SMOC1: variants seen among roughly 807,000 people sequenced by gnomAD.
The protein encoded by SMOC1 is SPARC related modular calcium binding 1.
Under a neutral mutation model 56.3 loss-of-function variants are expected in SMOC1, and 22 were observed. That is an observed-to-expected ratio of 0.39 (90% confidence interval 0.28 to 0.56). The LOEUF is 0.56. Among genes scored for constraint, SMOC1 ranks in the 20% least tolerant of loss-of-function variants. The pLI is 0.61. For missense variants in SMOC1, 509 were observed against 565.4 expected, an observed-to-expected ratio of 0.90 and a Z score of 1.01; for synonymous variants, 193 against 215.0, an observed-to-expected ratio of 0.90 and a Z score of 0.89.
intron 11 of SMOC1, among the ~76,000 whole-genome samples, chr14:70,027,208 G>A (rs559417881): frequency 1.6e-4 from 25 of 152,302 alleles, no homozygotes; most frequent in Admixed American, 1.6e-3. Context: ...GAGGAGTAGC[G>A]ATTTGCTCAA....
chr14:69,905,223 C>T (rs1055239105), intron 1 of SMOC1, among the ~76,000 whole-genome samples: 4 of 152,010 alleles, frequency 2.6e-5, no homozygotes, highest in East Asian at 1.9e-4. Flanking sequence ...AAAGCAGTCC[C>T]GCCTGATGTA....
chr14:69,992,450 C>A lies in SMOC1; in HGVS notation c.560C>A (p.Thr187Asn). ...TCTAAGCCGACACCCACGATGGAGA[C>A]CCAGCCGGTGTTCGATGGAGATGGT... The part of the protein sequence containing the change: ...DGSKPTPTME[T>N]QPVFDGDEIT... Residue 187 changes from threonine to asparagine, a missense_variant, in exon 6 of 12, where the codon ACC (threonine) becomes AAC (asparagine). This residue lies in a region of SMOC1 where 315 missense variants were observed against 333.1 expected (regional missense o/e 0.95). Coordinates refer to ENST00000361956, the MANE Select transcript of SMOC1 (RefSeq NM_001034852.3). 1 of 1,613,896 alleles carries A rather than the reference C, an allele frequency of 6.2e-7. No homozygotes were observed. The highest frequency in any genetic ancestry group is 8.5e-7 in the Non-Finnish European group (1 of 1,179,792).
chr14:70,013,449 T>C lies in SMOC1; in HGVS notation c.1004T>C (p.Met335Thr), dbSNP rs752839531. Residue 335 changes from methionine to threonine, a missense_variant, in exon 10 of 12, where the codon ATG (methionine) becomes ACG (threonine). Coordinates refer to ENST00000361956, the MANE Select transcript of SMOC1 (RefSeq NM_001034852.3). ...CTACTGGATGCTCTCACCACTGACA[T>C]GGTTCAGGCCATTAACTCAGCAGCG... The part of the protein sequence containing the change: ...TSLLDALTTD[M>T]VQAINSAAPT... 2 of 1,614,184 alleles carry C rather than the reference T, an allele frequency of 1.2e-6. No individual in the cohort carries two copies. Among genetic ancestry groups the C allele is most frequent in the South Asian group, 1.1e-5 (1 of 91,084 alleles).
At chr14:69,893,458 C>CAGGGA (rs1884017214) in intron 1 of SMOC1, among the ~76,000 whole-genome samples, 1 of 152,166 alleles carries the variant, frequency 6.6e-6, no homozygotes, top group Admixed American at 6.5e-5. Flanking sequence ...TTGCAAAGCT[C>CAGGGA]TGAGGGGGAA....
intron 1 of SMOC1, among the ~76,000 whole-genome samples, chr14:69,903,173 G>C (rs528682304): frequency 6.6e-6 from 1 of 151,842 alleles, no homozygotes; most frequent in Non-Finnish European, 1.5e-5. Flanking sequence ...AGGAAGTCAG[G>C]AGCGTCTCTG....
At chr14:69,978,156 A>G (rs962327181) in intron 5 of SMOC1, 191 bp downstream of exon 5, 15 of 642,840 alleles carry the variant, frequency 2.3e-5, no homozygotes, top group South Asian at 2.3e-4. Flanking sequence ...ATGGACACCA[A>G]GCTCCCAGAT....
chr14:69,979,049 T>C (rs888387616), intron 5 of SMOC1, among the ~76,000 whole-genome samples: 3 of 151,926 alleles, frequency 2.0e-5, no homozygotes, highest in African/African-American at 7.3e-5. Flanking sequence ...GTTTGGGGCT[T>C]CCCACCTGCA....
intron 1 of SMOC1, among the ~76,000 whole-genome samples, chr14:69,927,186 A>G (rs1885034313): frequency 1.3e-5 from 2 of 152,248 alleles, no homozygotes; most frequent in South Asian, 4.1e-4. Context: ...AACATGCTTC[A>G]TGTCGTGCTG....
rs1886178476 is a variant in SMOC1, at chr14:70,032,212, T to G, written c.*1954T>G. 6.6e-6 allele frequency: 1 copy of G among 152,290 alleles called. No homozygotes were observed. The highest frequency in any genetic ancestry group is 1.5e-5 in the Non-Finnish European group (1 of 68,062). 9.4% of individuals were successfully genotyped at this position (152,290 alleles called of 1,614,324 possible). A position where few individuals can be genotyped will look rare whatever the true frequency, so the allele number is the denominator to read the frequency against. ...AGCATGCACACATGGAGACGGCGCCTGCCTGTAGATGTTTGGATCTTCGAG... is the reference window on the plus strand; with the variant it reads ...AGCATGCACACATGGAGACGGCGCCGGCCTGTAGATGTTTGGATCTTCGAG... On this transcript the variant is annotated 3_prime_UTR_variant, in exon 12 of 12. Coordinates refer to ENST00000361956, the MANE Select transcript of SMOC1 (RefSeq NM_001034852.3).
At chr14:69,985,011 G>C (rs976752147) in intron 5 of SMOC1, among the ~76,000 whole-genome samples, 2 of 151,610 alleles carry the variant, frequency 1.3e-5, no homozygotes, top group African/African-American at 2.4e-5. Flanking sequence ...TCCAGCCTTG[G>C]TGATGGAGTG....
intron 1 of SMOC1, among the ~76,000 whole-genome samples, chr14:69,881,139 G>A (rs1318054884): frequency 6.6e-6 from 1 of 152,188 alleles, no homozygotes; most frequent in African/African-American, 2.4e-5. Flanking sequence ...TCCCAAAGCT[G>A]GGGCAAGTAA....
rs1594800363 is a variant in SMOC1 at position 69,917,517 on chromosome 14, A to G, written c.100-34621A>G. ...AATGACACATTTAGAAAACATTTAA[A>G]TAAACATACAGTGTGATGGCCTGGG... On this transcript the variant is annotated intron_variant, in intron 1 of 11. Transcript: ENST00000361956. 2.0e-5 allele frequency among the ~76,000 whole-genome samples: 3 copies of G among 152,240 alleles called. No homozygotes were observed. The East Asian group carries it at 5.8e-4, about 29-fold the overall frequency.
At chr14:70,029,204 A>G (rs1319278072) in intron 11 of SMOC1, among the ~76,000 whole-genome samples, 1 of 152,164 alleles carries the variant, frequency 6.6e-6, no homozygotes, top group Non-Finnish European at 1.5e-5. Flanking sequence ...GACCTGCTGG[A>G]GCAGGCGTGG....
chr14:69,926,002 A>G (rs991377981), intron 1 of SMOC1, among the ~76,000 whole-genome samples: 4 of 150,400 alleles, frequency 2.7e-5, no homozygotes, highest in African/African-American at 4.9e-5. Context: ...CCCCTCAGGA[A>G]CTCTCTGTCA....
chr14:70,005,767 C>T (rs944988254), intron 7 of SMOC1, among the ~76,000 whole-genome samples: 6 of 152,106 alleles, frequency 3.9e-5, no homozygotes, highest in African/African-American at 1.4e-4. Context: ...TAGGGGCGGG[C>T]GTGTGAGTGT....
chr14:70,001,033 G>A (rs1428982452), intron 7 of SMOC1, among the ~76,000 whole-genome samples: 3 of 152,102 alleles, frequency 2.0e-5, no homozygotes, highest in Admixed American at 6.5e-5. Flanking sequence ...TATGAGGTAC[G>A]AGGGAGAACC....
chr14:69,930,805 AG>A (rs889805924), intron 1 of SMOC1, among the ~76,000 whole-genome samples: 4 of 152,208 alleles, frequency 2.6e-5, no homozygotes, highest in African/African-American at 9.6e-5. Flanking sequence ...CTGGGAATGC[AG>A]GGGGTGACCT....
chr14:70,001,966 C>T (rs927769492), intron 7 of SMOC1, among the ~76,000 whole-genome samples: 8 of 152,194 alleles, frequency 5.3e-5, no homozygotes, highest in Non-Finnish European at 1.0e-4. Context: ...CCAGACCCTT[C>T]GATAGGAGTA....
At chr14:69,956,041 C>T (rs1420861385) in intron 3 of SMOC1, among the ~76,000 whole-genome samples, 1 of 152,168 alleles carries the variant, frequency 6.6e-6, no homozygotes, top group East Asian at 1.9e-4. Flanking sequence ...AGCCCACTGG[C>T]CAGCTTTTGT....
Sources: gnomAD v4.1 joint callset for allele counts (sites outside exome capture counted in the v4.1 genomes callset) on GRCh38, gnomAD v4.1.1 for gene constraint, gnomAD v4.1.1 regional missense constraint, MANE v1.5 for transcripts, NCBI Gene and HGNC (gene_info 2026-07-23, HGNC 2026-07-21) for gene names.